ZNF384: variants seen among roughly 807,000 people sequenced by gnomAD.
The protein encoded by ZNF384 is zinc finger protein 384.
A neutral mutation model predicts 65.0 loss-of-function variants in ZNF384; 20 were observed. The observed-to-expected ratio is 0.31, with a 90% CI of 0.22 to 0.45. The LOEUF (loss-of-function observed/expected upper bound fraction) is 0.45, where lower values mean the gene tolerates loss of function less well. ZNF384 is among the 20% of genes least tolerant of loss of function. The pLI is 1.00. For missense variants in ZNF384, 549 were observed against 769.4 expected, an observed-to-expected ratio of 0.71 and a Z score of 3.39; for synonymous variants, 310 against 303.9, an observed-to-expected ratio of 1.02 and a Z score of -0.21.
intron 10 of ZNF384, among the ~76,000 whole-genome samples, chr12:6,669,967 CAAAGAT>C (rs1286717143): frequency 6.6e-6 from 1 of 152,046 alleles, no homozygotes; most frequent in Non-Finnish European, 1.5e-5. Context: ...CACACAAACA[CAAAGAT>C]GAAAAACCTA....
At position 6,678,254 on chromosome 12, in the gene ZNF384, C is replaced by T. The variant is rs772341510; in HGVS notation, c.559G>A (p.Ala187Thr). 3 of 1,614,058 alleles carry T rather than the reference C, an allele frequency of 1.9e-6. No individual in the cohort carries two copies. Among genetic ancestry groups the T allele is most frequent in the Non-Finnish European group, 2.5e-6 (3 of 1,180,042 alleles). ...TTCCGGCCCCGGGGTGGCTTAGGAG[C>T]CACACTGCCACCTCCACCACCACCT... ...GGGGGGGGSV[A>T]PKPPRGRKKK... The change falls in exon 6 of 12, where the codon GCT becomes ACT. Residue 187 changes from alanine to threonine, a missense_variant. By Grantham distance (58) the Ala-to-Thr change is moderately conservative. Coordinates refer to ENST00000683879, the MANE Select transcript of ZNF384 (RefSeq NM_001385745.1). This position sits in a 1 kb window ranked among gnomAD's most constrained non-coding sequence, Gnocchi z 4.9.
chr12:6,669,135 G>A lies in ZNF384; in HGVS notation c.1321C>T (p.Arg441Trp), dbSNP rs1950559236. Residue 441 changes from arginine (R) to tryptophan (W), a missense_variant, in exon 11 of 12, where the codon CGG (arginine) becomes TGG (tryptophan). By Grantham distance (101) the Arg-to-Trp change is moderately radical. Around this residue, in one of 5 missense-constraint regions of ZNF384, gnomAD observed 38 missense variants for 99.7 expected, o/e 0.38. Transcript: ENST00000683879. ...AGTGAGGCTGCATCCGTGTACGCCC[G>A]ATGACAGTTGTGGCACTTGAAGGGT... ...DKPFKCHNCH[R>W]AYTDAASLEV... is the part of the protein sequence containing the mutation. 1.2e-6 allele frequency: 2 copies of A among 1,613,760 alleles called. No homozygotes were observed. Among genetic ancestry groups the A allele is most frequent in the Non-Finnish European group, 1.7e-6 (2 of 1,179,802 alleles).
chr12:6,676,467 G>A (rs949345873), intron 7 of ZNF384, among the ~76,000 whole-genome samples: 2 of 152,222 alleles, frequency 1.3e-5, no homozygotes, highest in Non-Finnish European at 2.9e-5. Context: ...AAAGCCCCAT[G>A]AGGCTTTCTT....
In ZNF384 at chr12:6,669,513, TC is replaced by T. The variant is rs200237784; in HGVS notation, c.1267-325del. 5.2e-3 allele frequency among the ~76,000 whole-genome samples: 793 copies of T among 151,542 alleles called. 3 individuals carry two copies. The highest frequency in any genetic ancestry group is 0.018 in the African/African-American group (757 of 41,208). ...GGTCAAAACTCTTTTTTTTTTTTTT[TC>T]CCAGATGAAGTCTCTCACTCTGTCG... On this transcript the variant is annotated intron_variant, in intron 10 of 11. Coordinates refer to ENST00000683879, the MANE Select transcript of ZNF384 (RefSeq NM_001385745.1).
At position 6,678,049 on chromosome 12, in the gene ZNF384, C is replaced by T. The variant is rs780617538; in HGVS notation, c.686+78G>A. 5 of 1,378,000 alleles carry T rather than the reference C, an allele frequency of 3.6e-6. No homozygotes were observed. Among genetic ancestry groups the T allele is most frequent in the Admixed American group, 1.9e-5 (1 of 52,386 alleles). 85.4% of individuals were successfully genotyped at this position (1,378,000 alleles called of 1,614,324 possible). ...GTCAGAGTGTAGCGCCTGACCGGGG[C>T]AGAACACAATGAGGGTACAGGGAGA... is the stretch of plus-strand genomic sequence containing the variant. On this transcript the variant is annotated intron_variant, in intron 6 of 11. Transcript: ENST00000683879. This position sits in a 1 kb window ranked among gnomAD's most constrained non-coding sequence, Gnocchi z 4.9.
rs1952115997 is a variant in ZNF384 at position 6,673,049 on chromosome 12, C to T, written c.1004+167G>A. 1.5e-6 allele frequency: 1 copy of T among 679,502 alleles called. No individual in the cohort carries two copies. The highest frequency in any genetic ancestry group is 2.5e-6 in the Non-Finnish European group (1 of 405,628). The allele number at this position is 679,502 out of a possible 1,614,324, so 42.1% of individuals were successfully genotyped here. A position where few individuals can be genotyped will look rare whatever the true frequency, so the allele number is the denominator to read the frequency against. ...GGAGACCACAATTTTCAAGGCCCCC[C>T]AAATAGCTAGGATATATAATTTCCA... On this transcript the variant is annotated intron_variant, in intron 8 of 11. Transcript: ENST00000683879. This position sits in a 1 kb window ranked among gnomAD's most constrained non-coding sequence, Gnocchi z 4.7.
chr12:6,678,016 G>C lies in ZNF384; in HGVS notation c.686+111C>G. On this transcript the variant is annotated intron_variant, in intron 6 of 11. Transcript: ENST00000683879. The surrounding 1 kb of genome is among the most constrained non-coding windows in gnomAD (Gnocchi z 4.9). Reference sequence around the variant, plus strand: ...CCTGACATGCAAGTGGCTCAGAGCTGGGAAGCTGTCAGAGTGTAGCGCCTG... The same window carrying C: ...CCTGACATGCAAGTGGCTCAGAGCTCGGAAGCTGTCAGAGTGTAGCGCCTG... 1 of 1,014,074 alleles carries C rather than the reference G, an allele frequency of 9.9e-7. No homozygotes were observed. Among genetic ancestry groups the C allele is most frequent in the Admixed American group, 2.2e-5 (1 of 44,958 alleles). The allele number at this position is 1,014,074 out of a possible 1,614,324, so 62.8% of individuals were successfully genotyped here.
chr12:6,670,859 A>G, intron 9 of ZNF384, 21 bp from the exon 10 acceptor site: 1 of 1,609,376 alleles, frequency 6.2e-7, no homozygotes, highest in Non-Finnish European at 8.5e-7. Flanking sequence ...TAAGAGAAAA[A>G]AGGGAAAGAA....
chr12:6,682,923 T>C (rs961861624), intron 2 of ZNF384, among the ~76,000 whole-genome samples: 1 of 152,224 alleles, frequency 6.6e-6, no homozygotes, highest in African/African-American at 2.4e-5. Flanking sequence ...ATAATCCCTG[T>C]CTAACCTTCT....
Position 6,678,330 on chromosome 12 carries a change from G to C in ZNF384, c.483C>G (p.Val161=). ...ATGCTACCTTCTTGGAGAGGTCAGGGACAACCTGCAGGGCTTGTGAGCCAG... is the reference window on the plus strand; with the variant it reads ...ATGCTACCTTCTTGGAGAGGTCAGGCACAACCTGCAGGGCTTGTGAGCCAG... ...LPPGSQALQV[V]PDLSKKVAST... The change falls in exon 6 of 12, where the codon GTC becomes GTG. Residue 161 remains valine (V), a synonymous_variant. Transcript: ENST00000683879. This position sits in a 1 kb window ranked among gnomAD's most constrained non-coding sequence, Gnocchi z 4.9. 1 of 1,614,086 alleles carries C rather than the reference G, an allele frequency of 6.2e-7. No homozygotes were observed. Among genetic ancestry groups the C allele is most frequent in the Non-Finnish European group, 8.5e-7 (1 of 1,180,012 alleles).
chr12:6,681,162 T>G (rs1955787778), intron 2 of ZNF384, among the ~76,000 whole-genome samples: 2 of 145,456 alleles, frequency 1.4e-5, no homozygotes, highest in South Asian at 4.3e-4. Context: ...GAGGTTGCAG[T>G]GAGCCAAGAT....
intron 9 of ZNF384, 76 bp from the exon 10 acceptor site, chr12:6,670,914 G>A: frequency 7.4e-7 from 1 of 1,345,006 alleles, no homozygotes. Context: ...ATCTTCTCCA[G>A]GCCCATCCTG....
intron 11 of ZNF384, 105 bp downstream of exon 11, chr12:6,668,926 G>A: frequency 2.4e-6 from 3 of 1,242,186 alleles, no homozygotes; most frequent in Non-Finnish European, 1.1e-6. Context: ...TTGGAGCTAG[G>A]GAGGCAGGGT....
At position 6,672,245 on chromosome 12, in the gene ZNF384, G is replaced by T; in HGVS notation, c.1187+105C>A. Reference sequence around the variant, plus strand: ...GCCAGCCAGGTCTCTCCTCCAGCCAGGTCTCTCCCCCGCCCCCCGCATGCG... The same window carrying T: ...GCCAGCCAGGTCTCTCCTCCAGCCATGTCTCTCCCCCGCCCCCCGCATGCG... On this transcript the variant is annotated intron_variant, in intron 9 of 11. Transcript: ENST00000683879. This position sits in a 1 kb window ranked among gnomAD's most constrained non-coding sequence, Gnocchi z 4.4. The T allele has an allele frequency of 7.8e-7, 1 of 1,284,320 alleles. No individual in the cohort carries two copies. The highest frequency in any genetic ancestry group is 1.1e-6 in the Non-Finnish European group (1 of 943,686). 79.6% of individuals were successfully genotyped at this position (1,284,320 alleles called of 1,614,324 possible). A position where few individuals can be genotyped will look rare whatever the true frequency, so the allele number is the denominator to read the frequency against.
intron 2 of ZNF384, among the ~76,000 whole-genome samples, chr12:6,681,862 T>G (rs1441446456): frequency 6.6e-6 from 1 of 152,190 alleles, no homozygotes; most frequent in Admixed American, 6.5e-5. Flanking sequence ...TACAACAGCT[T>G]CACATAAACA....
In ZNF384 at chr12:6,673,946, C is replaced by T. The variant is rs993510941; in HGVS notation, c.780-506G>A. On this transcript the variant is annotated intron_variant, in intron 7 of 11. Transcript: ENST00000683879. The surrounding 1 kb of genome is among the most constrained non-coding windows in gnomAD (Gnocchi z 4.7). ...TTTTCCCCTACTTCCTTTTTGGCAG[C>T]GATTCCTAGAGGGATGGGGGTGAGG... Among the ~76,000 whole-genome samples, 13 of 152,158 alleles carry T rather than the reference C, an allele frequency of 8.5e-5. No individual in the cohort carries two copies. Among genetic ancestry groups the T allele is most frequent in the Non-Finnish European group, 1.3e-4 (9 of 68,012 alleles).
In ZNF384 at chr12:6,678,632, TC is replaced by T. The variant is rs1487867087; in HGVS notation, c.352+30del. The T allele has an allele frequency of 6.2e-7, 1 of 1,610,172 alleles. No individual in the cohort carries two copies. The highest frequency in any genetic ancestry group is 1.7e-5 in the Admixed American group (1 of 59,716). On this transcript the variant is annotated intron_variant, in intron 5 of 11. Coordinates refer to ENST00000683879, the MANE Select transcript of ZNF384 (RefSeq NM_001385745.1). This position sits in a 1 kb window ranked among gnomAD's most constrained non-coding sequence, Gnocchi z 4.9. ...AAAAATAATGGTCTCCTAACCCTTG[TC>T]CCCACCCCCCTGGTAACAGTGAGAT...
chr12:6,677,416 C>A (rs1209841368), intron 6 of ZNF384, among the ~76,000 whole-genome samples, 157 bp from the exon 7 acceptor site: 1 of 152,224 alleles, frequency 6.6e-6, no homozygotes, highest in Non-Finnish European at 1.5e-5. Context: ...CCCACTAGGG[C>A]ACGTGACAGT....
intron 2 of ZNF384, among the ~76,000 whole-genome samples, chr12:6,680,225 A>G (rs757499625): frequency 6.6e-6 from 1 of 152,218 alleles, no homozygotes; most frequent in Non-Finnish European, 1.5e-5. Flanking sequence ...TTAGTCTCCC[A>G]AAGTGCTGGG....
Sources: allele counts gnomAD v4.1 joint callset (sites outside exome capture counted in the v4.1 genomes callset), GRCh38; gene constraint gnomAD v4.1.1; regional missense constraint gnomAD v4.1.1; non-coding constraint Gnocchi (gnomAD v3.1); transcripts MANE v1.5; gene names NCBI Gene and HGNC (gene_info 2026-07-23, HGNC 2026-07-21).